Variants in DMD observed in about 807,000 individuals in gnomAD.
The protein encoded by DMD is dystrophin.
DMD carries 63 observed loss-of-function variants against 330.1 expected under a neutral mutation model. That is an observed-to-expected ratio of 0.19 (90% CI 0.16 to 0.24). The LOEUF is 0.24. Ranked by LOEUF, DMD falls within the 10% of genes least tolerant of loss-of-function variation. The probability of loss-of-function intolerance (pLI) is 1.00; values close to 1 mark genes in which losing one functional copy is unlikely to be tolerated. For missense variants in DMD, 3,344 were observed against 2,684.1 expected (o/e 1.25, Z -5.43); for synonymous variants, 1,223 against 959.8 (o/e 1.27, Z -5.07).
At chrX:31,806,458 T>G (rs923171485) in intron 50 of DMD, among the ~76,000 whole-genome samples, 2 of 112,376 alleles carry the variant, frequency 1.8e-5, no homozygotes, top group African/African-American at 6.5e-5. Context: ...TGTAAACAAT[T>G]TTATTATTTT....
chrX:33,303,177 G>A (rs2053693334), intron 1 of DMD, among the ~76,000 whole-genome samples: 1 of 111,194 alleles, frequency 9.0e-6, no homozygotes. Context: ...GGACATCTTG[G>A]TTGCTTCCAA....
chrX:32,836,925 C>T (rs980702589), intron 4 of DMD, among the ~76,000 whole-genome samples: 4 of 111,647 alleles, frequency 3.6e-5, no homozygotes, highest in African/African-American at 1.3e-4. Flanking sequence ...AACAAGTTTA[C>T]GACGAAGAGC....
intron 2 of DMD, among the ~76,000 whole-genome samples, chrX:32,889,681 G>T (rs1437596900): frequency 9.0e-6 from 1 of 110,840 alleles, no homozygotes; most frequent in Non-Finnish European, 1.9e-5. Flanking sequence ...CCACCCTTGA[G>T]AATGTACTTT....
intron 52 of DMD, among the ~76,000 whole-genome samples, chrX:31,727,108 G>GA (rs200258659): frequency 0.015 from 1,662 of 111,718 alleles, 32 homozygotes; most frequent in African/African-American, 0.049. Flanking sequence ...TCCTCTTAGG[G>GA]AAAAAATTGA....
intron 9 of DMD, among the ~76,000 whole-genome samples, chrX:32,651,343 A>T (rs745840436): frequency 4.5e-5 from 5 of 110,352 alleles, no homozygotes; most frequent in African/African-American, 6.6e-5. Flanking sequence ...GGGTTTCAAC[A>T]CGTTGGCCAG....
At chrX:31,638,361 G>C (rs1038812288) in intron 54 of DMD, among the ~76,000 whole-genome samples, 6 of 111,510 alleles carry the variant, frequency 5.4e-5, no homozygotes, top group Non-Finnish European at 1.1e-4. Context: ...CCTCCTCTCT[G>C]TAGTTCTACT....
chrX:31,334,226 G>A (rs376700168), intron 61 of DMD, among the ~76,000 whole-genome samples: 7 of 112,194 alleles, frequency 6.2e-5, no homozygotes, highest in South Asian at 3.7e-4. Flanking sequence ...GAGCCACCGC[G>A]CCCGGCCCGA....
At chrX:31,187,235 T>C (rs371274163) in intron 67 of DMD, among the ~76,000 whole-genome samples, 1 of 112,595 alleles carries the variant, frequency 8.9e-6, no homozygotes, top group East Asian at 2.8e-4. Flanking sequence ...GCTATTGTTA[T>C]TGTCATTATT....
At chrX:32,153,498 C>A (rs761884850) in intron 44 of DMD, among the ~76,000 whole-genome samples, 33 of 105,661 alleles carry the variant, frequency 3.1e-4, no homozygotes, top group African/African-American at 1.1e-3. Flanking sequence ...AAGAGGAGCT[C>A]TAAAGAAATA....
At chrX:32,533,579 C>A (rs994692254) in intron 17 of DMD, among the ~76,000 whole-genome samples, 1 of 112,175 alleles carries the variant, frequency 8.9e-6, no homozygotes, top group Non-Finnish European at 1.9e-5. Flanking sequence ...AGTACTTCTT[C>A]ATGACAGTTT....
chrX:32,782,239 T>C (rs1269220043), intron 7 of DMD, among the ~76,000 whole-genome samples: 1 of 111,249 alleles, frequency 9.0e-6, no homozygotes, highest in African/African-American at 3.3e-5. Context: ...CACTAGAATA[T>C]CAAAAAAACA....
chrX:33,256,446 T>C (rs984589505), intron 1 of DMD, among the ~76,000 whole-genome samples: 4 of 110,708 alleles, frequency 3.6e-5, no homozygotes, highest in Non-Finnish European at 5.7e-5. Context: ...ATATTTTTCC[T>C]AGAAAAGCGT....
chrX:32,095,617 C>T (rs1336883143), intron 44 of DMD, among the ~76,000 whole-genome samples: 4 of 112,150 alleles, frequency 3.6e-5, no homozygotes, highest in Non-Finnish European at 5.6e-5. Context: ...TTCTTTATAT[C>T]ACATAGAAAT....
intron 47 of DMD, among the ~76,000 whole-genome samples, chrX:31,882,414 A>G (rs1300751410): frequency 1.8e-5 from 2 of 111,781 alleles, no homozygotes; most frequent in Admixed American, 9.5e-5. Context: ...GCAGACCTCA[A>G]TGTAAAAGGC....
rs774355492 is a variant in DMD at position 32,579,764 on chromosome X, T to C, written c.1603-5918A>G. Among the ~76,000 whole-genome samples, 18 of 113,007 alleles carry C rather than the reference T, an allele frequency of 1.6e-4. No individual in the cohort carries two copies. The East Asian group carries it at 4.2e-3, about 26-fold the overall frequency. On this transcript the variant is annotated intron_variant, in intron 13 of 78. Coordinates refer to ENST00000357033, the MANE Select transcript of DMD (RefSeq NM_004006.3). ...TACTTGCACTTCCAGATTAAGAACA[T>C]GTGGCCTTTGCAGGACTTATTTTTA...
At chrX:31,419,099 A>C (rs977608569) in intron 60 of DMD, among the ~76,000 whole-genome samples, 1 of 108,647 alleles carries the variant, frequency 9.2e-6, no homozygotes, top group Non-Finnish European at 1.9e-5. Context: ...CACCACCACC[A>C]CACCTGGCTA....
intron 2 of DMD, among the ~76,000 whole-genome samples, chrX:32,913,564 G>C (rs1381737283): frequency 8.9e-6 from 1 of 111,988 alleles, no homozygotes; most frequent in Non-Finnish European, 1.9e-5. Context: ...TGTCAAAGAA[G>C]ACCATAGCAC....
At position 32,956,441 on chromosome X, in the gene DMD, G is replaced by C. The variant is rs761666387; in HGVS notation, c.93+63698C>G. On this transcript the variant is annotated intron_variant, in intron 2 of 78. Coordinates refer to ENST00000357033, the MANE Select transcript of DMD (RefSeq NM_004006.3). ...TTCTTTCTATGGCAGTTGTGAATGT[G>C]ATTGCATTACTGATTTCTCCCTGTT... Among the ~76,000 whole-genome samples, 5 of 111,375 alleles carry C rather than the reference G, an allele frequency of 4.5e-5. No homozygotes were observed. The South Asian group carries it at 1.9e-3, about 42-fold the overall frequency.
At chrX:32,869,684 A>T (rs1378757027) in intron 2 of DMD, among the ~76,000 whole-genome samples, 1 of 110,141 alleles carries the variant, frequency 9.1e-6, no homozygotes, top group Non-Finnish European at 1.9e-5. Flanking sequence ...TAACACCAGC[A>T]GACAAGATTA....
Sources: allele counts gnomAD v4.1 joint callset (sites outside exome capture counted in the v4.1 genomes callset), GRCh38; gene constraint gnomAD v4.1.1; transcripts MANE v1.5; gene names NCBI Gene and HGNC (gene_info 2026-07-23, HGNC 2026-07-21).